Variants in GUCY1B1 observed in about 807,000 individuals in gnomAD.
GUCY1B1 encodes the protein guanylate cyclase 1 soluble subunit beta 1.
In GUCY1B1, 43 loss-of-function variants were observed where a neutral mutation model predicts 71.0. The ratio of observed to expected loss-of-function variants is 0.61; its 90% CI spans 0.47 to 0.78. GUCY1B1 has a LOEUF of 0.78. GUCY1B1 is among the 30% of genes least tolerant of loss of function. GUCY1B1 has a pLI of 0.00. For synonymous variants in GUCY1B1, 266 were observed against 259.7 expected (o/e 1.02, Z -0.23); for missense variants, 535 against 754.1 (o/e 0.71, Z 3.40).
chr4:155,802,540 C>T lies in GUCY1B1; in HGVS notation c.1374C>T (p.Asp458=), dbSNP rs1402561402. ...TCAACGACCTCTACACCAGATTTGA[C>T]ACACTGACTGATTCCCGGAAAAACC... ...NLLNDLYTRF[D]TLTDSRKNPF... Residue 458 remains aspartate (D), a synonymous_variant, in exon 10 of 14, where the codon GAC becomes GAT. Coordinates refer to ENST00000264424, the MANE Select transcript of GUCY1B1 (RefSeq NM_000857.5). The surrounding 1 kb of genome is among the most constrained non-coding windows in gnomAD (Gnocchi z 4.3). 2.5e-6 allele frequency: 4 copies of T among 1,611,216 alleles called. No homozygotes were observed. The highest frequency in any genetic ancestry group is 3.4e-6 in the Non-Finnish European group (4 of 1,178,616).
intron 2 of GUCY1B1, among the ~76,000 whole-genome samples, chr4:155,767,189 G>A (rs1282542711): frequency 1.3e-5 from 2 of 152,152 alleles, no homozygotes; most frequent in African/African-American, 4.8e-5. Context: ...ATTTAGCAAG[G>A]ACATGTGCCA....
At chr4:155,792,649 A>G (rs1739258955) in intron 5 of GUCY1B1, among the ~76,000 whole-genome samples, 2 of 151,706 alleles carry the variant, frequency 1.3e-5, no homozygotes, top group Admixed American at 1.3e-4. Flanking sequence ...GAAAAAAAAA[A>G]AAGAAAAGAA....
chr4:155,806,478 AG>A lies in GUCY1B1; in HGVS notation c.*71del. The A allele has an allele frequency of 2.8e-6, 3 of 1,055,770 alleles. No individual in the cohort carries two copies. The East Asian group carries it at 7.1e-5, about 25-fold the overall frequency. The allele number at this position is 1,055,770 out of a possible 1,614,324, so 65.4% of individuals were successfully genotyped here. The stretch of plus-strand genomic sequence containing the variant: ...TTTTCTCCTAACACGTGCCAAGCCC[AG>A]GAGCAGTTCTTCCCTATGGATACAG... On this transcript the variant is annotated 3_prime_UTR_variant, in exon 14 of 14. Transcript: ENST00000264424.
At chr4:155,786,187 T>C (rs1368006419) in intron 4 of GUCY1B1, among the ~76,000 whole-genome samples, 1 of 151,864 alleles carries the variant, frequency 6.6e-6, no homozygotes, top group African/African-American at 2.4e-5. Flanking sequence ...AGCACATTGG[T>C]ACATTGATTT....
At chr4:155,805,666 A>G (rs1740263573) in intron 13 of GUCY1B1, among the ~76,000 whole-genome samples, 2 of 152,148 alleles carry the variant, frequency 1.3e-5, no homozygotes, top group African/African-American at 2.4e-5. Context: ...TTTAAGGGGC[A>G]GGCTATCTTT....
chr4:155,768,295 T>C (rs1284862560), intron 2 of GUCY1B1, among the ~76,000 whole-genome samples: 1 of 152,162 alleles, frequency 6.6e-6, no homozygotes, highest in Non-Finnish European at 1.5e-5. Flanking sequence ...GTTCACATAT[T>C]GTAGTTAAGG....
At chr4:155,781,922 A>G (rs945788327) in intron 4 of GUCY1B1, among the ~76,000 whole-genome samples, 10 of 152,050 alleles carry the variant, frequency 6.6e-5, no homozygotes, top group African/African-American at 2.2e-4. Flanking sequence ...GATCTTATAT[A>G]TTTTACCTGG....
In GUCY1B1 at chr4:155,804,748, G is replaced by A; in HGVS notation, c.1709+1G>A. On this transcript the variant is annotated splice_donor_variant, in intron 12 of 13. Transcript: ENST00000264424. LOFTEE classifies it high-confidence loss of function. ...TAAATGTGTCTGAATATACATACAG[G>A]TGAGAGAAAATGTCTTGGTATTTAC... 1.9e-6 allele frequency: 3 copies of A among 1,610,040 alleles called. No individual in the cohort carries two copies. Among genetic ancestry groups the A allele is most frequent in the Non-Finnish European group, 1.7e-6 (2 of 1,177,212 alleles).
intron 2 of GUCY1B1, among the ~76,000 whole-genome samples, chr4:155,766,043 C>G (rs1455598438): frequency 6.6e-6 from 1 of 152,146 alleles, no homozygotes; most frequent in Non-Finnish European, 1.5e-5. Flanking sequence ...ATAACTCTTT[C>G]TAGAGTGCTC....
At chr4:155,796,261 T>C (rs1305937559) in intron 7 of GUCY1B1, 116 bp from the exon 8 acceptor site, 1 of 927,680 alleles carries the variant, frequency 1.1e-6, no homozygotes, top group Non-Finnish European at 1.7e-6. Flanking sequence ...CCTGTTCTAA[T>C]GATGCACTTA....
intron 5 of GUCY1B1, among the ~76,000 whole-genome samples, chr4:155,790,615 G>A (rs1413009379): frequency 6.6e-6 from 1 of 152,136 alleles, no homozygotes; most frequent in African/African-American, 2.4e-5. Context: ...TCAATTCTCA[G>A]TAGCTTTAAA....
At position 155,775,056 on chromosome 4, in the gene GUCY1B1, A is replaced by T; in HGVS notation, c.166A>T (p.Ser56Cys). 1 of 1,577,022 alleles carries T rather than the reference A, an allele frequency of 6.3e-7. No individual in the cohort carries two copies. The highest frequency in any genetic ancestry group is 8.7e-7 in the Non-Finnish European group (1 of 1,146,734). Residue 56 changes from serine (S) to cysteine (C), a missense_variant, in exon 3 of 14, where the codon AGC becomes TGC. By Grantham distance (112) the Ser-to-Cys change is moderately radical. Coordinates refer to ENST00000264424, the MANE Select transcript of GUCY1B1 (RefSeq NM_000857.5). Reference protein sequence around the residue: ...SKTYDLVAAASKVLNLNAGEI... With the variant: ...SKTYDLVAAACKVLNLNAGEI... ...AACTTATGATTTGGTTGCTGCTGCA[A>T]GCAAAGTCCTCAGTAAGTTGAATGC...
rs1579264232 is a variant in GUCY1B1 at position 155,804,558 on chromosome 4, T to C, written c.1555-35T>C. The C allele has an allele frequency of 2.6e-6, 4 of 1,560,724 alleles. No homozygotes were observed. The East Asian group carries it at 6.7e-5, about 26-fold the overall frequency. On this transcript the variant is annotated intron_variant, in intron 11 of 13. Transcript: ENST00000264424. ...AAAAAAAAAATTCATGTGTTAGTGA[T>C]CAAAATGATTGAAGCAAAGCTTTCT...
chr4:155,785,101 A>C (rs1035000516), intron 4 of GUCY1B1, among the ~76,000 whole-genome samples: 3 of 152,186 alleles, frequency 2.0e-5, no homozygotes, highest in African/African-American at 7.2e-5. Flanking sequence ...ATTCCTGAGT[A>C]GAAAAACCAC....
chr4:155,782,756 C>T (rs1738522038), intron 4 of GUCY1B1, among the ~76,000 whole-genome samples: 1 of 152,280 alleles, frequency 6.6e-6, no homozygotes, highest in Non-Finnish European at 1.5e-5. Flanking sequence ...TACAGGAAGT[C>T]TTGGTTTCCT....
chr4:155,760,648 T>G (rs190889964), intron 2 of GUCY1B1, among the ~76,000 whole-genome samples: 119 of 152,088 alleles, frequency 7.8e-4, no homozygotes, highest in African/African-American at 2.8e-3. Flanking sequence ...TGTCTCTCCT[T>G]TTTCCTCTCA....
At position 155,800,012 on chromosome 4, in the gene GUCY1B1, C is replaced by A; in HGVS notation, c.1113C>A (p.Ile371=). The A allele has an allele frequency of 6.2e-7, 1 of 1,613,664 alleles. No individual in the cohort carries two copies. The highest frequency in any genetic ancestry group is 8.5e-7 in the Non-Finnish European group (1 of 1,179,648). Residue 371 remains isoleucine (I), a synonymous_variant, in exon 9 of 14, where the codon ATC becomes ATA. Coordinates refer to ENST00000264424, the MANE Select transcript of GUCY1B1 (RefSeq NM_000857.5). ...ACAAACTCACCCAAGAACTGGAAAT[C>A]CTCACTGACAGGCTACAGCTCACGT... ...EEYKLTQELE[I]LTDRLQLTLR...
intron 6 of GUCY1B1, among the ~76,000 whole-genome samples, chr4:155,794,363 T>A (rs1728041825): frequency 6.6e-6 from 1 of 152,202 alleles, no homozygotes; most frequent in Non-Finnish European, 1.5e-5. Context: ...AATGGGTAAC[T>A]TTTTAGTAAC....
chr4:155,768,456 G>GTT (rs35462860), intron 2 of GUCY1B1, among the ~76,000 whole-genome samples: 4 of 128,612 alleles, frequency 3.1e-5, no homozygotes, highest in East Asian at 2.4e-4. Context: ...TTACTTGTTT[G>GTT]TTTTTTTTTT....
Sources: gnomAD v4.1 joint callset for allele counts (sites outside exome capture counted in the v4.1 genomes callset) on GRCh38, gnomAD v4.1.1 for gene constraint, Gnocchi (gnomAD v3.1) non-coding constraint, MANE v1.5 for transcripts, NCBI Gene and HGNC (gene_info 2026-07-23, HGNC 2026-07-21) for gene names.